The following KIAA1210 variants were observed in gnomAD, a reference collection of about 807,000 sequenced individuals.
The protein encoded by KIAA1210 is acrosomal protein KIAA1210.
A neutral mutation model predicts 78.9 loss-of-function variants in KIAA1210; 48 were observed. The ratio of observed to expected loss-of-function variants is 0.61; its 90% CI spans 0.48 to 0.77. The LOEUF is 0.77. Ranked by LOEUF, KIAA1210 falls within the 30% of genes least tolerant of loss-of-function variation. The pLI is 0.00. For missense variants in KIAA1210, 1,108 were observed against 1,100.0 expected (o/e 1.01, Z -0.10); for synonymous variants, 406 against 404.5 (o/e 1.00, Z -0.04).
At chrX:119,135,018 T>C (rs943102975) in intron 2 of KIAA1210, among the ~76,000 whole-genome samples, 1 of 112,643 alleles carries the variant, frequency 8.9e-6, no homozygotes, top group Non-Finnish European at 1.9e-5. Flanking sequence ...GAGTTCTATG[T>C]AGTAGGCATT....
intron 2 of KIAA1210, among the ~76,000 whole-genome samples, chrX:119,138,217 T>TTG (rs1556005024): frequency 1.2e-5 from 1 of 83,814 alleles, no homozygotes; most frequent in Non-Finnish European, 2.3e-5. Flanking sequence ...GGTTGTTTTT[T>TTG]TTTTTTTTTT....
rs1333287311 is a variant in KIAA1210 at position 119,096,500 on chromosome X, T to C, written c.840A>G (p.Gln280=). Residue 280 remains glutamine (Q), a synonymous_variant, in exon 7 of 12, where the codon CAA becomes CAG. Transcript: ENST00000691062. ...LNPRKQKKNL[Q]VIVEPKEEEP... Reference sequence around the variant, plus strand: ...TGTCTCTTGAAGGACTTACAATCACTTGAAGGTTCTTCTTTTGTTTGCGGG... The same window carrying C: ...TGTCTCTTGAAGGACTTACAATCACCTGAAGGTTCTTCTTTTGTTTGCGGG... 1 of 1,207,305 alleles carries C rather than the reference T, an allele frequency of 8.3e-7. No homozygotes were observed. Among genetic ancestry groups the C allele is most frequent in the East Asian group, 3.0e-5 (1 of 33,822 alleles).
rs1331638512 is a variant in KIAA1210, at chrX:119,079,654, T to C, written c.*1675A>G. ...CAAGATGGGAAGGGAGGCATCAACA[T>C]TTGCTGGGCCACTTGCCCCCTCCCC... On this transcript the variant is annotated 3_prime_UTR_variant, in exon 12 of 12. Coordinates refer to ENST00000691062, the MANE Select transcript of KIAA1210 (RefSeq NM_001394962.1). 1.8e-5 allele frequency: 2 copies of C among 111,349 alleles called. No individual in the cohort carries two copies. Among genetic ancestry groups the C allele is most frequent in the African/African-American group, 6.5e-5 (2 of 30,572 alleles). 9.2% of individuals were successfully genotyped at this position (111,349 alleles called of 1,213,427 possible).
At chrX:119,107,836 T>C (rs1027492530) in intron 5 of KIAA1210, among the ~76,000 whole-genome samples, 1 of 111,734 alleles carries the variant, frequency 8.9e-6, no homozygotes, top group African/African-American at 3.3e-5. Context: ...CTGTTAAGGG[T>C]TGTCTCCTTG....
intron 6 of KIAA1210, among the ~76,000 whole-genome samples, chrX:119,104,236 A>G (rs1180581449): frequency 8.9e-6 from 1 of 112,237 alleles, no homozygotes; most frequent in Non-Finnish European, 1.9e-5. Flanking sequence ...CCAGATCCAT[A>G]AAACAATAAG....
At chrX:119,101,511 T>C (rs1393923787) in intron 6 of KIAA1210, among the ~76,000 whole-genome samples, 1 of 111,104 alleles carries the variant, frequency 9.0e-6, no homozygotes, top group Non-Finnish European at 1.9e-5. Flanking sequence ...TGGTGGGAAA[T>C]GTGGTTCTTG....
At chrX:119,119,642 C>T (rs1348798826) in intron 2 of KIAA1210, among the ~76,000 whole-genome samples, 2 of 111,029 alleles carry the variant, frequency 1.8e-5, no homozygotes, top group Non-Finnish European at 3.8e-5. Flanking sequence ...CTCAGGAGTT[C>T]GAGACCAGCC....
At position 119,096,478 on chromosome X, in the gene KIAA1210, C is replaced by T; in HGVS notation, c.846+16G>A. The T allele has an allele frequency of 8.4e-7, 1 of 1,191,677 alleles. No individual in the cohort carries two copies. Among genetic ancestry groups the T allele is most frequent in the African/African-American group, 1.7e-5 (1 of 57,317 alleles). ...CTTATACAGGAGTTTAGTGCCCTGTCTCTTGAAGGACTTACAATCACTTGA... is the reference window on the plus strand; with the variant it reads ...CTTATACAGGAGTTTAGTGCCCTGTTTCTTGAAGGACTTACAATCACTTGA... On this transcript the variant is annotated intron_variant, in intron 7 of 11. Transcript: ENST00000691062.
chrX:119,136,063 C>A (rs12559420), intron 2 of KIAA1210, among the ~76,000 whole-genome samples: 38,489 of 107,621 alleles, frequency 0.36, 5,224 homozygotes, highest in East Asian at 0.57. Context: ...AACAAACAAA[C>A]AAAAAAAAAG....
chrX:119,113,773 C>T (rs147858452), intron 3 of KIAA1210, among the ~76,000 whole-genome samples: 82 of 110,675 alleles, frequency 7.4e-4, no homozygotes, highest in African/African-American at 2.2e-3. Context: ...AGATTAGACA[C>T]GAAAAAATAA....
chrX:119,081,250 G>C lies in KIAA1210; in HGVS notation c.*79C>G, dbSNP rs1926945691. ...CCACTGCACTCCAATCTGGGTAACA[G>C]AGCGAGACTCTGTCTCAAAAAAAAA... On this transcript the variant is annotated 3_prime_UTR_variant, in exon 12 of 12. Coordinates refer to ENST00000691062, the MANE Select transcript of KIAA1210 (RefSeq NM_001394962.1). The C allele has an allele frequency of 1.2e-6, 1 of 854,315 alleles. No individual in the cohort carries two copies. The highest frequency in any genetic ancestry group is 2.8e-5 in the African/African-American group (1 of 36,179). 70.4% of individuals were successfully genotyped at this position (854,315 alleles called of 1,213,427 possible). A position where few individuals can be genotyped will look rare whatever the true frequency, so the allele number is the denominator to read the frequency against.
intron 1 of KIAA1210, among the ~76,000 whole-genome samples, chrX:119,147,824 A>G: frequency 8.9e-6 from 1 of 111,988 alleles, no homozygotes; most frequent in Non-Finnish European, 1.9e-5. Context: ...AATGGGTTGT[A>G]ACAGGAGAGA....
chrX:119,140,531 T>A (rs1603272942), intron 2 of KIAA1210, among the ~76,000 whole-genome samples: 1 of 62,661 alleles, frequency 1.6e-5, no homozygotes, highest in Admixed American at 2.1e-4. Context: ...GACTCTTTCT[T>A]AAAAAAAAAA....
chrX:119,088,323 G>A lies in KIAA1210; in HGVS notation c.2379C>T (p.Ser793=), dbSNP rs778461216. ...VEQEVSSSPK[S]MAVEESISMK... is the part of the protein sequence containing the mutation. ...TAGAAATGCTCTCTTCAACAGCCAT[G>A]CTCTTTGGAGATGAGGAAACTTCTT... is the stretch of plus-strand genomic sequence containing the variant. The change falls in exon 9 of 12, where the codon AGC becomes AGT. Residue 793 remains serine, a synonymous_variant. Coordinates refer to ENST00000691062, the MANE Select transcript of KIAA1210 (RefSeq NM_001394962.1). 8.3e-7 allele frequency: 1 copy of A among 1,210,439 alleles called. No homozygotes were observed. The highest frequency in any genetic ancestry group is 1.1e-6 in the Non-Finnish European group (1 of 894,873).
intron 1 of KIAA1210, 39 bp from the exon 2 acceptor site, chrX:119,123,691 A>ATGATAT: frequency 1.1e-5 from 10 of 924,170 alleles, no homozygotes; most frequent in East Asian, 3.2e-5. Flanking sequence ...AAATATCATC[A>ATGATAT]TTTGATATTC....
At chrX:119,095,512 C>T (rs970758361) in intron 7 of KIAA1210, among the ~76,000 whole-genome samples, 1 of 111,471 alleles carries the variant, frequency 9.0e-6, no homozygotes, top group Non-Finnish European at 1.9e-5. Context: ...CCTCAGCCTC[C>T]AGAGTAGCTG....
chrX:119,126,217 CG>C (rs905379519), intron 1 of KIAA1210, among the ~76,000 whole-genome samples: 4 of 52,754 alleles, frequency 7.6e-5, no homozygotes, highest in African/African-American at 2.3e-4. Context: ...GGTGGGGGGC[CG>C]GGGGGCGGGG....
At chrX:119,096,808 C>G in intron 6 of KIAA1210, 117 bp from the exon 7 acceptor site, 1 of 512,334 alleles carries the variant, frequency 2.0e-6, no homozygotes, top group Non-Finnish European at 3.1e-6. Flanking sequence ...GAACTATTGT[C>G]CCCTTTCCTA....
rs184484182 is a variant in KIAA1210, at chrX:119,079,505, G to T, written c.*1824C>A. On this transcript the variant is annotated 3_prime_UTR_variant, in exon 12 of 12. Transcript: ENST00000691062. ...GTGAACCTAGATGAGATTCTAGGGT[G>T]GTCTGCATCTCAGAAAGCCAGCCAA... is the stretch of plus-strand genomic sequence containing the variant. 23 of 111,954 alleles carry T rather than the reference G, an allele frequency of 2.1e-4. No individual in the cohort carries two copies. The highest frequency in any genetic ancestry group is 7.5e-4 in the African/African-American group (23 of 30,845). The allele number at this position is 111,954 out of a possible 1,213,427, so 9.2% of individuals were successfully genotyped here.
Sources: allele counts gnomAD v4.1 joint callset (sites outside exome capture counted in the v4.1 genomes callset), GRCh38; gene constraint gnomAD v4.1.1; transcripts MANE v1.5; gene names NCBI Gene and HGNC (gene_info 2026-07-23, HGNC 2026-07-21).